The following C20orf203 variants were observed in gnomAD, a reference collection of about 807,000 sequenced individuals.
C20orf203 encodes chromosome 20 open reading frame 203.
A neutral mutation model predicts 15.9 loss-of-function variants in C20orf203; 16 were observed. That is an observed-to-expected ratio of 1.01 (90% CI 0.68 to 1.53). The LOEUF (loss-of-function observed/expected upper bound fraction) is 1.53. Among genes scored for constraint, C20orf203 ranks in the 40% most tolerant of loss-of-function variants. The probability of loss-of-function intolerance (pLI) is 0.00; values close to 1 mark genes in which losing one functional copy is unlikely to be tolerated. For missense variants in C20orf203, 263 were observed against 247.5 expected (o/e 1.06, Z -0.42); for synonymous variants, 98 against 97.2 (o/e 1.01, Z -0.05).
At chr20:32,655,011 C>T (rs1329847379) in intron 1 of C20orf203, among the ~76,000 whole-genome samples, 1 of 152,166 alleles carries the variant, frequency 6.6e-6, no homozygotes, top group African/African-American at 2.4e-5. Context: ...AATAAACCCT[C>T]ACATTTGGTT....
At chr20:32,657,920 A>G (rs1982801402) in intron 1 of C20orf203, 1 of 151,574 alleles carries the variant, frequency 6.6e-6, no homozygotes, top group Non-Finnish European at 1.5e-5. Flanking sequence ...AGATTGCGCC[A>G]CTGCACTCCA....
chr20:32,644,807 A>G (rs1982378684), intron 4 of C20orf203, among the ~76,000 whole-genome samples: 1 of 152,076 alleles, frequency 6.6e-6, no homozygotes. Context: ...GGAGACTGAC[A>G]TTTATTGAGC....
intron 4 of C20orf203, among the ~76,000 whole-genome samples, chr20:32,647,120 C>T (rs149151284): frequency 0.048 from 7,284 of 152,288 alleles, 562 homozygotes; most frequent in African/African-American, 0.16. Flanking sequence ...TAGGGCCGGG[C>T]GCAGTGGCTC....
At chr20:32,666,595 C>G (rs1201800075) in intron 1 of C20orf203, among the ~76,000 whole-genome samples, 2 of 149,966 alleles carry the variant, frequency 1.3e-5, no homozygotes, top group African/African-American at 4.9e-5. Flanking sequence ...AATCCCATCT[C>G]TACTAAAAAT....
intron 1 of C20orf203, among the ~76,000 whole-genome samples, chr20:32,667,998 C>T (rs6057614): frequency 0.16 from 24,175 of 152,094 alleles, 2,113 homozygotes; most frequent in East Asian, 0.29. Flanking sequence ...CAGTATCATA[C>T]AGTGATTAGG....
chr20:32,651,336 G>A (rs752448019), intron 2 of C20orf203, among the ~76,000 whole-genome samples, 170 bp from the exon 3 acceptor site: 9 of 141,214 alleles, frequency 6.4e-5, no homozygotes, highest in Non-Finnish European at 9.4e-5. Flanking sequence ...GCAACAGAGC[G>A]AAACCCTATT....
chr20:32,642,335 G>A (rs192453058), intron 4 of C20orf203, among the ~76,000 whole-genome samples: 8 of 152,306 alleles, frequency 5.3e-5, no homozygotes, highest in African/African-American at 1.9e-4. Context: ...GTCCTGCTGG[G>A]GCCTGGCCCA....
At chr20:32,664,401 C>T (rs1281886014) in intron 1 of C20orf203, among the ~76,000 whole-genome samples, 3 of 152,192 alleles carry the variant, frequency 2.0e-5, no homozygotes, top group Non-Finnish European at 2.9e-5. Context: ...TTGCCAGAGC[C>T]AGCCGTAGAG....
At chr20:32,638,304 C>T (rs1203376406) in intron 5 of C20orf203, among the ~76,000 whole-genome samples, 2 of 152,220 alleles carry the variant, frequency 1.3e-5, no homozygotes, top group African/African-American at 4.8e-5. Context: ...AAATCTCTGA[C>T]ATGTAATTGT....
At chr20:32,665,348 T>C (rs1982992789) in intron 1 of C20orf203, among the ~76,000 whole-genome samples, 1 of 152,158 alleles carries the variant, frequency 6.6e-6, no homozygotes, top group South Asian at 2.1e-4. Context: ...CAGGTGGCCT[T>C]TTTGGCCAGC....
At chr20:32,653,594 A>G (rs1264832077) in intron 1 of C20orf203, among the ~76,000 whole-genome samples, 1 of 152,094 alleles carries the variant, frequency 6.6e-6, no homozygotes, top group African/African-American at 2.4e-5. Context: ...GAGTGTTCCT[A>G]CAGCTGGTAT....
At chr20:32,641,453 T>G (rs912555791) in intron 4 of C20orf203, among the ~76,000 whole-genome samples, 1 of 152,174 alleles carries the variant, frequency 6.6e-6, no homozygotes, top group Non-Finnish European at 1.5e-5. Flanking sequence ...TGTGTGTAGA[T>G]ATATGTTTTA....
At chr20:32,671,013 T>TAA (rs10590852) in intron 1 of C20orf203, among the ~76,000 whole-genome samples, 1 of 144,742 alleles carries the variant, frequency 6.9e-6, no homozygotes. Flanking sequence ...TGCCATTATT[T>TAA]AAAAAAAAAA....
chr20:32,648,619 TGTGTGTGTG>T (rs1568748685), intron 4 of C20orf203, among the ~76,000 whole-genome samples: 21 of 137,586 alleles, frequency 1.5e-4, no homozygotes, highest in South Asian at 2.2e-4. Flanking sequence ...TTTTTTTTTT[TGTGTGTGTG>T]TTTTTAGTAG....
At chr20:32,634,849 T>G (rs1194984089) in intron 5 of C20orf203, among the ~76,000 whole-genome samples, 3 of 152,232 alleles carry the variant, frequency 2.0e-5, no homozygotes, top group Non-Finnish European at 4.4e-5. Context: ...ATGTGTCAAA[T>G]GCTTCACAGT....
At chr20:32,661,648 T>C (rs765676718) in intron 1 of C20orf203, among the ~76,000 whole-genome samples, 12 of 151,204 alleles carry the variant, frequency 7.9e-5, no homozygotes, top group Non-Finnish European at 1.5e-4. Context: ...GGGACCCTGA[T>C]TAGTGCCTTT....
rs186974050 is a variant in C20orf203, at chr20:32,636,571, G to A, written c.*1300-2301C>T. Among the ~76,000 whole-genome samples the A allele has an allele frequency of 5.9e-5, 9 of 152,240 alleles. No homozygotes were observed. The South Asian group carries it at 8.3e-4, about 14-fold the overall frequency. On this transcript the variant is annotated intron_variant, in intron 5 of 5. Transcript: ENST00000608990. ...GTCAGCACAGCCCCTCTGCAGACAC[G>A]CAAGGCCCCTGTCATCCCTTCCTGC...
chr20:32,644,284 C>T (rs770111006), intron 4 of C20orf203, among the ~76,000 whole-genome samples: 2 of 152,040 alleles, frequency 1.3e-5, no homozygotes, highest in Admixed American at 6.6e-5. Context: ...CCTGTCTCTA[C>T]TAAAATACAA....
chr20:32,635,962 G>A (rs1028425396), intron 5 of C20orf203, among the ~76,000 whole-genome samples: 2 of 152,144 alleles, frequency 1.3e-5, no homozygotes, highest in African/African-American at 2.4e-5. Flanking sequence ...TGTACAGTGA[G>A]CCCACGTGCT....
Sources: allele counts gnomAD v4.1 joint callset (sites outside exome capture counted in the v4.1 genomes callset), GRCh38; gene constraint gnomAD v4.1.1; transcripts MANE v1.5; gene names NCBI Gene and HGNC (gene_info 2026-07-23, HGNC 2026-07-21).